COX10: variants seen among roughly 807,000 people sequenced by gnomAD.
COX10 encodes cytochrome c oxidase assembly factor heme A:farnesyltransferase COX10.
A neutral mutation model predicts 37.3 loss-of-function variants in COX10; 27 were observed. The observed-to-expected ratio is 0.72, with a 90% CI of 0.53 to 1.00. The LOEUF (loss-of-function observed/expected upper bound fraction) is 1.00, where lower values mean the gene tolerates loss of function less well. Ranked by LOEUF, COX10 falls within the 50% of genes least tolerant of loss-of-function variation. COX10 has a pLI of 0.00. For synonymous variants in COX10, 222 were observed against 229.1 expected (o/e 0.97, Z 0.28); for missense variants, 475 against 563.2 (o/e 0.84, Z 1.59).
At chr17:14,172,582 T>TCC (rs938584981) in intron 5 of COX10, among the ~76,000 whole-genome samples, 2 of 141,932 alleles carry the variant, frequency 1.4e-5, no homozygotes, top group African/African-American at 5.2e-5. Context: ...CTTTTTCTTT[T>TCC]TTTTTTTTTT....
intron 3 of COX10, among the ~76,000 whole-genome samples, chr17:14,088,840 G>C (rs1026001402): frequency 6.6e-6 from 1 of 152,158 alleles, no homozygotes; most frequent in African/African-American, 2.4e-5. Flanking sequence ...TTTGTCCTCA[G>C]ACCATGAGAT....
chr17:14,126,018 T>TA (rs1916335532), intron 4 of COX10, among the ~76,000 whole-genome samples: 1 of 152,192 alleles, frequency 6.6e-6, no homozygotes, highest in African/African-American at 2.4e-5. Flanking sequence ...TCTGGGATAG[T>TA]AAATGCTAAT....
At chr17:14,181,394 G>T (rs1375163532) in intron 5 of COX10, among the ~76,000 whole-genome samples, 2 of 151,434 alleles carry the variant, frequency 1.3e-5, no homozygotes, top group African/African-American at 2.4e-5. Flanking sequence ...CAAAGGTCCT[G>T]GTCCCAAGGG....
intron 5 of COX10, among the ~76,000 whole-genome samples, chr17:14,185,539 A>G (rs922730380): frequency 1.3e-4 from 20 of 152,262 alleles, no homozygotes; most frequent in Non-Finnish European, 2.1e-4. Context: ...CTAAATTTCA[A>G]CAACCTGAAT....
At chr17:14,128,794 T>C (rs1212421336) in intron 4 of COX10, among the ~76,000 whole-genome samples, 1 of 152,212 alleles carries the variant, frequency 6.6e-6, no homozygotes. Flanking sequence ...CGGTCAACTT[T>C]AAGAAGAGCA....
intron 6 of COX10, among the ~76,000 whole-genome samples, chr17:14,197,152 G>A (rs1906391302): frequency 1.3e-5 from 2 of 152,138 alleles, no homozygotes; most frequent in African/African-American, 4.8e-5. Flanking sequence ...ATATATTTTG[G>A]AGGAGAGAGA....
intron 3 of COX10, among the ~76,000 whole-genome samples, chr17:14,083,821 A>G (rs1325007223): frequency 6.6e-6 from 1 of 152,218 alleles, no homozygotes; most frequent in East Asian, 1.9e-4. Context: ...TGGGGTAAAG[A>G]AATTTTATTT....
chr17:14,206,749 C>G (rs1406164741), intron 6 of COX10, 61 bp from the exon 7 acceptor site: 1 of 1,605,256 alleles, frequency 6.2e-7, no homozygotes, highest in African/African-American at 1.3e-5. Flanking sequence ...GGAAACCATT[C>G]TTTGGAAATC....
chr17:14,169,423 A>G (rs1048756723), intron 5 of COX10, among the ~76,000 whole-genome samples: 3 of 152,132 alleles, frequency 2.0e-5, no homozygotes, highest in African/African-American at 7.2e-5. Context: ...AGCCCTGCCC[A>G]TTACCCAGCT....
chr17:14,105,627 CAT>C (rs750881784), intron 4 of COX10, among the ~76,000 whole-genome samples: 7 of 152,090 alleles, frequency 4.6e-5, no homozygotes, highest in Admixed American at 3.9e-4. Context: ...ACATTTAAAA[CAT>C]GTATCATGCA....
At chr17:14,134,415 G>T (rs1916533011) in intron 4 of COX10, among the ~76,000 whole-genome samples, 1 of 151,522 alleles carries the variant, frequency 6.6e-6, no homozygotes, top group Admixed American at 6.6e-5. Flanking sequence ...TTTGTTTTCT[G>T]GAAAAAATTA....
chr17:14,136,973 T>C (rs988650347), intron 4 of COX10, among the ~76,000 whole-genome samples: 8 of 152,000 alleles, frequency 5.3e-5, no homozygotes, highest in Admixed American at 2.6e-4. Flanking sequence ...GTGTGTTTCT[T>C]TTTTAAAATC....
chr17:14,069,901 C>T (rs1408637862), intron 1 of COX10, among the ~76,000 whole-genome samples: 4 of 152,106 alleles, frequency 2.6e-5, no homozygotes, highest in African/African-American at 9.7e-5. Flanking sequence ...GCGGTGTCTT[C>T]CTGCTTCTTT....
intron 4 of COX10, among the ~76,000 whole-genome samples, chr17:14,131,612 A>G (rs189474126): frequency 4.6e-5 from 7 of 152,212 alleles, no homozygotes; most frequent in Admixed American, 4.6e-4. Context: ...GAGCAGGTCA[A>G]GAAATAAAAC....
At chr17:14,100,029 G>A (rs1248958199) in intron 3 of COX10, among the ~76,000 whole-genome samples, 1 of 151,984 alleles carries the variant, frequency 6.6e-6, no homozygotes, top group Non-Finnish European at 1.5e-5. Flanking sequence ...CCAGTTACCA[G>A]GTCCTAACAA....
intron 4 of COX10, among the ~76,000 whole-genome samples, chr17:14,117,370 G>A (rs112644837): frequency 7.2e-5 from 11 of 152,272 alleles, no homozygotes; most frequent in African/African-American, 2.4e-4. Flanking sequence ...AAATGTGTGA[G>A]GTGGTGATTT....
intron 4 of COX10, among the ~76,000 whole-genome samples, chr17:14,103,099 A>G (rs938879808): frequency 7.9e-5 from 12 of 152,122 alleles, no homozygotes; most frequent in African/African-American, 2.9e-4. Flanking sequence ...ATTTCAAATA[A>G]GTTTTTTTGT....
At chr17:14,181,211 C>G (rs1905847708) in intron 5 of COX10, among the ~76,000 whole-genome samples, 1 of 151,942 alleles carries the variant, frequency 6.6e-6, no homozygotes, top group Non-Finnish European at 1.5e-5. Flanking sequence ...GCAAGGGGGT[C>G]AATTCTAGGG....
intron 6 of COX10, among the ~76,000 whole-genome samples, chr17:14,201,329 T>C (rs1008147973): frequency 1.2e-4 from 19 of 152,190 alleles, no homozygotes; most frequent in African/African-American, 3.6e-4. Context: ...AGTTGAAGCA[T>C]ATCAAGTAAA....
Sources: allele counts gnomAD v4.1 joint callset (sites outside exome capture counted in the v4.1 genomes callset), GRCh38; gene constraint gnomAD v4.1.1; transcripts MANE v1.5; gene names NCBI Gene and HGNC (gene_info 2026-07-23, HGNC 2026-07-21).